ARSB: variants seen among roughly 807,000 people sequenced by gnomAD.
ARSB encodes arylsulfatase B.
Under a neutral mutation model 50.9 loss-of-function variants are expected in ARSB, and 41 were observed. The observed-to-expected ratio is 0.81, with a 90% CI of 0.63 to 1.04. The LOEUF (loss-of-function observed/expected upper bound fraction) is 1.04, where lower values mean the gene tolerates loss of function less well. Ranked by LOEUF, ARSB falls within the 50% of genes least tolerant of loss-of-function variation. The pLI, the probability that ARSB is intolerant of heterozygous loss-of-function variation, is 0.00. For missense variants in ARSB, 672 were observed against 693.3 expected, an observed-to-expected ratio of 0.97 and a Z score of 0.35; for synonymous variants, 269 against 284.8, an observed-to-expected ratio of 0.94 and a Z score of 0.56.
intron 4 of ARSB, among the ~76,000 whole-genome samples, chr5:78,940,182 C>T (rs1750839819): frequency 6.6e-6 from 1 of 152,102 alleles, no homozygotes; most frequent in African/African-American, 2.4e-5. Context: ...TGGATATTAG[C>T]CCTTTGTCAG....
At chr5:78,853,691 T>C (rs1249930631) in intron 5 of ARSB, among the ~76,000 whole-genome samples, 1 of 152,374 alleles carries the variant, frequency 6.6e-6, no homozygotes, top group Non-Finnish European at 1.5e-5. Context: ...GCAGGCCTCC[T>C]TGAGCTGTGG....
intron 5 of ARSB, among the ~76,000 whole-genome samples, chr5:78,875,336 A>G (rs1747434658): frequency 6.6e-6 from 1 of 152,194 alleles, no homozygotes; most frequent in Non-Finnish European, 1.5e-5. Context: ...GAACTCAAAC[A>G]TAAATAATTA....
intron 6 of ARSB, among the ~76,000 whole-genome samples, chr5:78,832,562 G>A (rs1387288076): frequency 6.6e-6 from 1 of 152,128 alleles, no homozygotes; most frequent in Non-Finnish European, 1.5e-5. Flanking sequence ...GCTCTGAGGA[G>A]GAAACAGGGA....
rs542331228 is a variant in ARSB, at chr5:78,927,110, T to C, written c.898+28185A>G. ...GTTTCCAAGGCTGGTCTCTAATTCC[T>C]GGGCTCAAGTGATCAAGTTCTGGGA... On this transcript the variant is annotated intron_variant, in intron 4 of 7. Transcript: ENST00000264914. Among the ~76,000 whole-genome samples the C allele has an allele frequency of 3.5e-4, 54 of 152,316 alleles. 1 individual carries two copies. Among genetic ancestry groups the C allele is most frequent in the Non-Finnish European group, 2.9e-4 (20 of 68,016 alleles).
In ARSB at chr5:78,945,869, C is replaced by T. The variant is rs141676219; in HGVS notation, c.898+9426G>A. ...GCTTATCTGGCCAAGCCATTCCCAA[C>T]CTTTCCATCTCAGAAAGCCTCCCCA... On this transcript the variant is annotated intron_variant, in intron 4 of 7. Transcript: ENST00000264914. 5.3e-4 allele frequency among the ~76,000 whole-genome samples: 81 copies of T among 152,328 alleles called. 1 individual carries two copies. The East Asian group carries it at 0.013, about 25-fold the overall frequency.
At chr5:78,917,736 T>C (rs1282600487) in intron 4 of ARSB, among the ~76,000 whole-genome samples, 1 of 152,128 alleles carries the variant, frequency 6.6e-6, no homozygotes, top group Non-Finnish European at 1.5e-5. Context: ...TGGTCTCGAA[T>C]TCCTAACCTC....
At chr5:78,901,939 T>C (rs1054319324) in intron 4 of ARSB, among the ~76,000 whole-genome samples, 2 of 152,238 alleles carry the variant, frequency 1.3e-5, no homozygotes, top group African/African-American at 4.8e-5. Flanking sequence ...GAGTGTAACA[T>C]GATGCAGCTG....
intron 6 of ARSB, among the ~76,000 whole-genome samples, chr5:78,782,570 A>G (rs1748957558): frequency 6.6e-6 from 1 of 152,172 alleles, no homozygotes. Context: ...CATGGATTAT[A>G]TTAATTTATC....
chr5:78,835,378 T>G (rs2112707285), intron 6 of ARSB, among the ~76,000 whole-genome samples: 1 of 152,170 alleles, frequency 6.6e-6, no homozygotes, highest in Non-Finnish European at 1.5e-5. Flanking sequence ...GAGCATGTGG[T>G]GCTAGGCAGA....
chr5:78,912,858 G>A (rs1187475196), intron 4 of ARSB, among the ~76,000 whole-genome samples: 1 of 152,104 alleles, frequency 6.6e-6, no homozygotes, highest in Non-Finnish European at 1.5e-5. Flanking sequence ...TAGAAAATCA[G>A]AAATTATTTT....
chr5:78,901,646 A>C (rs1748810900), intron 4 of ARSB, among the ~76,000 whole-genome samples: 1 of 152,232 alleles, frequency 6.6e-6, no homozygotes, highest in African/African-American at 2.4e-5. Flanking sequence ...CACACATAAA[A>C]ATTAAAGATG....
intron 6 of ARSB, among the ~76,000 whole-genome samples, chr5:78,813,109 G>A (rs1743876556): frequency 6.6e-6 from 1 of 151,826 alleles, no homozygotes; most frequent in African/African-American, 2.4e-5. Flanking sequence ...CTGTCACCCA[G>A]GCTGGAGTGC....
chr5:78,856,752 T>C (rs4704530), intron 5 of ARSB, among the ~76,000 whole-genome samples: 19,313 of 152,282 alleles, frequency 0.13, 1,421 homozygotes, highest in Middle Eastern at 0.21. Context: ...CATGTATTCA[T>C]TTTTAGGTAA....
At chr5:78,940,202 T>C (rs140706566) in intron 4 of ARSB, among the ~76,000 whole-genome samples, 1,629 of 152,330 alleles carry the variant, frequency 0.011, 22 homozygotes, top group African/African-American at 0.037. Flanking sequence ...GATGAGTAGA[T>C]TGCAAAAATT....
chr5:78,900,078 T>TG (rs145691001), intron 4 of ARSB, among the ~76,000 whole-genome samples: 2,916 of 152,210 alleles, frequency 0.019, 85 homozygotes, highest in African/African-American at 0.067. Flanking sequence ...CTGTCCCAAA[T>TG]GGGGGAGTCA....
At chr5:78,982,286 T>C (rs1323287399) in intron 1 of ARSB, among the ~76,000 whole-genome samples, 4 of 152,248 alleles carry the variant, frequency 2.6e-5, no homozygotes, top group Non-Finnish European at 5.9e-5. Flanking sequence ...AATTCCTTCA[T>C]TTTATTGTCT....
intron 6 of ARSB, among the ~76,000 whole-genome samples, chr5:78,796,879 C>CTTTTTTT (rs1342063568): frequency 3.0e-4 from 38 of 126,358 alleles, no homozygotes; most frequent in Non-Finnish European, 4.9e-4. Flanking sequence ...GTCTCGATCT[C>CTTTTTTT]TTTTTTTTTT....
At chr5:78,830,008 G>A (rs977092279) in intron 6 of ARSB, among the ~76,000 whole-genome samples, 1 of 152,214 alleles carries the variant, frequency 6.6e-6, no homozygotes, top group Non-Finnish European at 1.5e-5. Context: ...CTCCAGGGTG[G>A]AAGACGGAAG....
intron 5 of ARSB, among the ~76,000 whole-genome samples, chr5:78,873,282 A>G (rs950993487): frequency 2.6e-5 from 4 of 152,084 alleles, no homozygotes; most frequent in Admixed American, 2.0e-4. Context: ...ATGACAAAAC[A>G]TTATACATGA....
Sources: gnomAD v4.1 joint callset for allele counts (sites outside exome capture counted in the v4.1 genomes callset) on GRCh38, gnomAD v4.1.1 for gene constraint, MANE v1.5 for transcripts, NCBI Gene and HGNC (gene_info 2026-07-23, HGNC 2026-07-21) for gene names.